Variants in EHF observed in about 807,000 individuals in gnomAD.
EHF encodes ESE3 transcription factor.
A neutral mutation model predicts 45.1 loss-of-function variants in EHF; 14 were observed. The ratio of observed to expected loss-of-function variants is 0.31; its 90% CI spans 0.21 to 0.49. EHF has a LOEUF of 0.49. Ranked by LOEUF, EHF falls within the 20% of genes least tolerant of loss-of-function variation. EHF has a pLI of 0.99. For missense variants in EHF, 282 were observed against 371.4 expected (o/e 0.76, Z 1.98); for synonymous variants, 136 against 131.8 (o/e 1.03, Z -0.22).
intron 6 of EHF, among the ~76,000 whole-genome samples, chr11:34,653,769 G>A (rs1305287507): frequency 2.0e-5 from 3 of 152,194 alleles, no homozygotes; most frequent in Admixed American, 2.0e-4. Context: ...TCATTTGCCT[G>A]AGTCTTTATT....
At chr11:34,642,482 A>G in intron 1 of EHF, 146 bp from the exon 2 acceptor site, 3 of 572,086 alleles carry the variant, frequency 5.2e-6, no homozygotes, top group Non-Finnish European at 9.3e-6. Context: ...TGCTTTTACA[A>G]AAAACGCTTT....
At chr11:34,646,119 G>T (rs772669686) in intron 2 of EHF, among the ~76,000 whole-genome samples, 1 of 151,058 alleles carries the variant, frequency 6.6e-6, no homozygotes, top group Non-Finnish European at 1.5e-5. Context: ...AAGAGGAAGA[G>T]AACGATTTGG....
chr11:34,631,866 G>A (rs952098013), intron 1 of EHF, among the ~76,000 whole-genome samples: 2 of 152,074 alleles, frequency 1.3e-5, no homozygotes, highest in African/African-American at 4.8e-5. Flanking sequence ...GGTTTCGATC[G>A]TATCCCAGCA....
intron 6 of EHF, among the ~76,000 whole-genome samples, chr11:34,653,999 C>G (rs927789557): frequency 2.0e-5 from 3 of 152,198 alleles, no homozygotes; most frequent in African/African-American, 7.2e-5. Context: ...GCCTGTCATG[C>G]CAGCTCGGGC....
intron 1 of EHF, 117 bp from the exon 2 acceptor site, chr11:34,642,511 A>C: frequency 4.6e-6 from 3 of 651,288 alleles, no homozygotes; most frequent in East Asian, 2.8e-5. Flanking sequence ...GTGGCAGGCA[A>C]TGGGTGGAAG....
Position 34,642,744 on chromosome 11 carries a change from G to A in EHF, c.97+17G>A, listed in dbSNP as rs866026748. The stretch of plus-strand genomic sequence containing the variant: ...CGTGCAATGGTAAGAGGGCCTGTGG[G>A]TGTTGGTGTCACTGCTGTGCTGTGT... On this transcript the variant is annotated intron_variant, in intron 2 of 8. Transcript: ENST00000257831. The A allele has an allele frequency of 1.3e-6, 2 of 1,588,432 alleles. No homozygotes were observed. Among genetic ancestry groups the A allele is most frequent in the South Asian group, 1.1e-5 (1 of 90,500 alleles).
rs911461667 is a variant in EHF, at chr11:34,661,299, G to T, written c.*2368G>T. 2.0e-5 allele frequency among the ~76,000 whole-genome samples: 3 copies of T among 152,122 alleles called. No individual in the cohort carries two copies. The highest frequency in any genetic ancestry group is 4.4e-5 in the Non-Finnish European group (3 of 68,000). On this transcript the variant is annotated 3_prime_UTR_variant, in exon 9 of 9. Coordinates refer to ENST00000257831, the MANE Select transcript of EHF (RefSeq NM_012153.6). ...GGCATCTGCCAATTCTCTCACTGTG[G>T]TTCCTTCTCTGACTTTGCCTGTTCA...
rs1167970160 is a variant in EHF, at chr11:34,660,689, T to C, written c.*1758T>C. 6.6e-6 allele frequency: 1 copy of C among 152,156 alleles called. No homozygotes were observed. The highest frequency in any genetic ancestry group is 1.9e-4 in the East Asian group (1 of 5,194). The allele number at this position is 152,156 out of a possible 1,614,324, so 9.4% of individuals were successfully genotyped here. A position where few individuals can be genotyped will look rare whatever the true frequency, so the allele number is the denominator to read the frequency against. Reference sequence around the variant, plus strand: ...TTTCTTTTTGGCTCTCTCATGTCCTTGGCTTGCTCCTCTATTCTACCTCTC... The same window carrying C: ...TTTCTTTTTGGCTCTCTCATGTCCTCGGCTTGCTCCTCTATTCTACCTCTC... On this transcript the variant is annotated 3_prime_UTR_variant, in exon 9 of 9. Coordinates refer to ENST00000257831, the MANE Select transcript of EHF (RefSeq NM_012153.6).
intron 1 of EHF, among the ~76,000 whole-genome samples, chr11:34,634,833 T>C (rs1211732115): frequency 6.6e-6 from 1 of 152,146 alleles, no homozygotes; most frequent in Non-Finnish European, 1.5e-5. Context: ...GCTGTGACCA[T>C]GTCTAGAATG....
At chr11:34,626,824 T>C (rs1852414210) in intron 1 of EHF, among the ~76,000 whole-genome samples, 1 of 152,220 alleles carries the variant, frequency 6.6e-6, no homozygotes, top group Admixed American at 6.5e-5. Flanking sequence ...TCCAGACACC[T>C]GAGTTTAAGC....
Position 34,646,674 on chromosome 11 carries a change from G to C in EHF, c.333G>C (p.Leu111=). 1 of 1,610,294 alleles carries C rather than the reference G, an allele frequency of 6.2e-7. No individual in the cohort carries two copies. Among genetic ancestry groups the C allele is most frequent in the South Asian group, 1.1e-5 (1 of 91,080 alleles). ...TCCTCTACAGCAACTTGCAGCATCTGAAGTGGAACGGTGACTCTCTCTTTC... is the reference window on the plus strand; with the variant it reads ...TCCTCTACAGCAACTTGCAGCATCTCAAGTGGAACGGTGACTCTCTCTTTC... The part of the protein sequence containing the change: ...GQLLYSNLQH[L]KWNGQCSSDL... Residue 111 remains leucine, a synonymous_variant, in exon 3 of 9, where the codon CTG becomes CTC. Coordinates refer to ENST00000257831, the MANE Select transcript of EHF (RefSeq NM_012153.6).
At chr11:34,654,361 C>T (rs1411547291) in intron 6 of EHF, among the ~76,000 whole-genome samples, 2 of 152,162 alleles carry the variant, frequency 1.3e-5, no homozygotes, top group Non-Finnish European at 2.9e-5. Flanking sequence ...GACTTTTATC[C>T]TAGGGCAGAA....
intron 1 of EHF, 160 bp from the exon 2 acceptor site, chr11:34,642,468 G>A: frequency 1.8e-6 from 1 of 553,960 alleles, no homozygotes; most frequent in Non-Finnish European, 3.2e-6. Context: ...ATTGCTGTGA[G>A]TTTTGCTTTT....
chr11:34,656,814 G>A (rs904926940), intron 6 of EHF, 94 bp from the exon 7 acceptor site: 4 of 1,396,840 alleles, frequency 2.9e-6, no homozygotes, highest in South Asian at 1.3e-5. Flanking sequence ...TGCAGTAGGT[G>A]CTCAGTAAAT....
chr11:34,649,779 C>T (rs1215249029), intron 4 of EHF, among the ~76,000 whole-genome samples: 1 of 152,202 alleles, frequency 6.6e-6, no homozygotes, highest in African/African-American at 2.4e-5. Context: ...TAAGTCACTC[C>T]CCATGTTCAT....
intron 1 of EHF, among the ~76,000 whole-genome samples, chr11:34,624,001 T>C (rs372397849): frequency 1.5e-4 from 23 of 152,202 alleles, no homozygotes; most frequent in African/African-American, 5.5e-4. Flanking sequence ...CGAAGACCTC[T>C]GGGTTAGGGG....
intron 2 of EHF, among the ~76,000 whole-genome samples, chr11:34,646,053 T>C (rs1198497338): frequency 1.3e-5 from 2 of 151,666 alleles, no homozygotes; most frequent in Non-Finnish European, 2.9e-5. Flanking sequence ...TGTGTGTGTG[T>C]GTGTGTGTGT....
chr11:34,662,969 A>C lies in EHF; in HGVS notation c.*4038A>C, dbSNP rs975322090. ...AGAGATAGAGCATTTATTAAAAAAAACTCCTGTTGAGACTGTGTCTTATGA... is the reference window on the plus strand; with the variant it reads ...AGAGATAGAGCATTTATTAAAAAAACCTCCTGTTGAGACTGTGTCTTATGA... On this transcript the variant is annotated 3_prime_UTR_variant, in exon 9 of 9. Coordinates refer to ENST00000257831, the MANE Select transcript of EHF (RefSeq NM_012153.6). Among the ~76,000 whole-genome samples the C allele has an allele frequency of 4.9e-4, 75 of 152,072 alleles. No individual in the cohort carries two copies. The highest frequency in any genetic ancestry group is 1.8e-3 in the African/African-American group (73 of 41,504).
intron 4 of EHF, among the ~76,000 whole-genome samples, chr11:34,650,514 T>A (rs1855044011): frequency 6.6e-6 from 1 of 152,328 alleles, no homozygotes; most frequent in African/African-American, 2.4e-5. Context: ...TTGTATCATT[T>A]GTGCTATAAA....
Sources: allele counts gnomAD v4.1 joint callset (sites outside exome capture counted in the v4.1 genomes callset), GRCh38; gene constraint gnomAD v4.1.1; transcripts MANE v1.5; gene names NCBI Gene and HGNC (gene_info 2026-07-23, HGNC 2026-07-21).